Variants in HDGFL3 observed in about 807,000 individuals in gnomAD.
HDGFL3 encodes hepatoma-derived growth factor-related protein 3.
Under a neutral mutation model 27.6 loss-of-function variants are expected in HDGFL3, and 6 were observed. The ratio of observed to expected loss-of-function variants is 0.22; its 90% confidence interval spans 0.12 to 0.43. The LOEUF is 0.43. Ranked by LOEUF, HDGFL3 falls within the 20% of genes least tolerant of loss-of-function variation. The probability of loss-of-function intolerance (pLI) is 1.00; values close to 1 mark genes in which losing one functional copy is unlikely to be tolerated. For missense variants in HDGFL3, 207 were observed against 250.1 expected, an observed-to-expected ratio of 0.83 and a Z score of 1.16; for synonymous variants, 88 against 88.9, an observed-to-expected ratio of 0.99 and a Z score of 0.05.
At chr15:83,189,115 C>T (rs949204597) in intron 1 of HDGFL3, among the ~76,000 whole-genome samples, 1 of 152,130 alleles carries the variant, frequency 6.6e-6, no homozygotes, top group African/African-American at 2.4e-5. Context: ...TACTCTACCC[C>T]ATCCCTATCT....
At chr15:83,184,856 G>A (rs900866081) in intron 1 of HDGFL3, 7 of 152,198 alleles carry the variant, frequency 4.6e-5, no homozygotes, top group African/African-American at 1.7e-4. Flanking sequence ...CCATTAAGAG[G>A]TGGGTAACCA....
chr15:83,199,908 T>C (rs924070628), intron 1 of HDGFL3, among the ~76,000 whole-genome samples: 5 of 151,416 alleles, frequency 3.3e-5, no homozygotes, highest in African/African-American at 9.7e-5. Context: ...TAGCCGGGCA[T>C]GGTGGTGGGC....
At chr15:83,200,087 T>TAATCCCA (rs1012144816) in intron 1 of HDGFL3, among the ~76,000 whole-genome samples, 2 of 146,400 alleles carry the variant, frequency 1.4e-5, no homozygotes, top group African/African-American at 5.1e-5. Context: ...CTTACACCTG[T>TAATCCCA]AATCCCAGCA....
At position 83,173,390 on chromosome 15, in the gene HDGFL3, A is replaced by G. The variant is rs570171851; in HGVS notation, c.85-9315T>C. Among the ~76,000 whole-genome samples, 466 of 152,342 alleles carry G rather than the reference A, an allele frequency of 3.1e-3. 5 individuals are homozygous for G. Among genetic ancestry groups the G allele is most frequent in the Admixed American group, 4.8e-3 (74 of 15,304 alleles). On this transcript the variant is annotated intron_variant, in intron 1 of 5. Transcript: ENST00000299633. ...GTTCTCAGCACATTTAAGGCAGGCT[A>G]GGCTAAGCTATGAAGTTTGGTAGCT...
At chr15:83,117,796 G>C (rs978533011) in intron 3 of HDGFL3, among the ~76,000 whole-genome samples, 2 of 152,138 alleles carry the variant, frequency 1.3e-5, no homozygotes, top group African/African-American at 4.8e-5. Flanking sequence ...AACATGCCAA[G>C]AGCCAGGCCT....
chr15:83,143,616 C>G (rs2036828161), intron 5 of HDGFL3, among the ~76,000 whole-genome samples: 1 of 152,094 alleles, frequency 6.6e-6, no homozygotes, highest in Admixed American at 6.5e-5. Flanking sequence ...TAAGGAGGTC[C>G]TGAGACCAAG....
intron 1 of HDGFL3, among the ~76,000 whole-genome samples, chr15:83,188,361 G>A (rs183171298): frequency 3.4e-4 from 52 of 152,086 alleles, no homozygotes; most frequent in East Asian, 9.7e-4. Context: ...AGCAATTCTC[G>A]CGCCTCAGCC....
At chr15:83,117,009 G>C (rs1306531003) in intron 3 of HDGFL3, among the ~76,000 whole-genome samples, 5 of 152,190 alleles carry the variant, frequency 3.3e-5, no homozygotes, top group African/African-American at 1.2e-4. Flanking sequence ...TGGGGAGATG[G>C]AATTGTCCCA....
intron 1 of HDGFL3, among the ~76,000 whole-genome samples, chr15:83,198,624 T>C (rs1021221967): frequency 2.0e-5 from 3 of 152,122 alleles, no homozygotes; most frequent in African/African-American, 7.2e-5. Context: ...AGTATAAGCA[T>C]GGTACCAGCA....
chr15:83,156,442 G>A (rs1481620764), intron 4 of HDGFL3, among the ~76,000 whole-genome samples: 1 of 152,164 alleles, frequency 6.6e-6, no homozygotes, highest in Admixed American at 6.5e-5. Context: ...GCTCACCGCT[G>A]TATACCTAGT....
chr15:83,163,590 T>C (rs1273824842), intron 2 of HDGFL3, among the ~76,000 whole-genome samples: 1 of 152,208 alleles, frequency 6.6e-6, no homozygotes, highest in African/African-American at 2.4e-5. Context: ...TATATTTCCT[T>C]GAGGGCCCAA....
rs147247287 is a variant in HDGFL3 at position 83,119,579 on chromosome 15, G to A, written c.394-3838C>T. The A allele has an allele frequency of 6.8e-6, 11 of 1,614,058 alleles. No homozygotes were observed. The African/African-American group carries it at 1.5e-4, about 22-fold the overall frequency. On this transcript the variant is annotated intron_variant, in intron 3 of 3. Coordinates refer to the HDGFL3 transcript ENST00000568294. The stretch of plus-strand genomic sequence containing the variant: ...ACTTCTTTTTAATGCTTTCTTTAGG[G>A]TGAACCGTATCTGAACACCGCATAT...
rs569936903 is a variant in HDGFL3 at position 83,186,354 on chromosome 15, T to G, written c.84+20977A>C. On this transcript the variant is annotated intron_variant, in intron 1 of 5. Coordinates refer to ENST00000299633, the MANE Select transcript of HDGFL3 (RefSeq NM_016073.4). ...TCATGATTCAGATATTCAGTTAGAC[T>G]TATCGCTCAACTGAACACTACTAGC... Among the ~76,000 whole-genome samples the G allele has an allele frequency of 9.8e-5, 15 of 152,328 alleles. No individual in the cohort carries two copies. The South Asian group carries it at 3.1e-3, about 32-fold the overall frequency.
chr15:83,145,744 A>T (rs1166673646), intron 5 of HDGFL3, among the ~76,000 whole-genome samples: 1 of 151,908 alleles, frequency 6.6e-6, no homozygotes, highest in Non-Finnish European at 1.5e-5. Flanking sequence ...TGATTTCAAT[A>T]TCCACATAGA....
chr15:83,198,203 G>A (rs1173982283), intron 1 of HDGFL3, among the ~76,000 whole-genome samples: 2 of 151,966 alleles, frequency 1.3e-5, no homozygotes, highest in Non-Finnish European at 2.9e-5. Flanking sequence ...ATAGTTCAAT[G>A]ACCTAATACA....
intron 5 of HDGFL3, among the ~76,000 whole-genome samples, chr15:83,147,720 T>C (rs1468511429): frequency 6.6e-6 from 1 of 152,172 alleles, no homozygotes; most frequent in Non-Finnish European, 1.5e-5. Flanking sequence ...CTGGTTCAAA[T>C]GGTTATGCTT....
Position 83,133,463 on chromosome 15 carries a change from T to C in HDGFL3, c.*5807A>G, listed in dbSNP as rs1237644514. Reference sequence around the variant, plus strand: ...TTCACCTTATTGTCTCATTTGCCATTCCAATCATCCATTCTTAAAAAAAAA... The same window carrying C: ...TTCACCTTATTGTCTCATTTGCCATCCCAATCATCCATTCTTAAAAAAAAA... On this transcript the variant is annotated 3_prime_UTR_variant, in exon 6 of 6. Transcript: ENST00000299633. The C allele has an allele frequency of 1.3e-5, 2 of 152,196 alleles. No individual in the cohort carries two copies. The highest frequency in any genetic ancestry group is 6.5e-5 in the Admixed American group (1 of 15,276). 9.4% of individuals were successfully genotyped at this position (152,196 alleles called of 1,614,324 possible). A position where few individuals can be genotyped will look rare whatever the true frequency, so the allele number is the denominator to read the frequency against.
Position 83,139,282 on chromosome 15 carries a change from A to C in HDGFL3, c.607-7T>G, listed in dbSNP as rs761686367. 3.8e-6 allele frequency: 5 copies of C among 1,332,902 alleles called. No homozygotes were observed. In the South Asian group the frequency reaches 7.9e-5, roughly 21 times the overall value. The allele number at this position is 1,332,902 out of a possible 1,614,324, so 82.6% of individuals were successfully genotyped here. On this transcript the variant is annotated splice_region_variant and splice_polypyrimidine_tract_variant and intron_variant, in intron 5 of 5. Transcript: ENST00000299633. ...TTCATTATGGTAGTTAGGTCTGTAA[A>C]AAAAAAAAAAAGAAAGAAAACAAGC...
At chr15:83,151,480 C>T (rs1004882217) in intron 4 of HDGFL3, 119 bp from the exon 5 acceptor site, 2 of 781,368 alleles carry the variant, frequency 2.6e-6, no homozygotes. Flanking sequence ...AGAGGATATA[C>T]TGACACAACA....
Sources: gnomAD v4.1 joint callset for allele counts (sites outside exome capture counted in the v4.1 genomes callset) on GRCh38, gnomAD v4.1.1 for gene constraint, MANE v1.5 for transcripts, NCBI Gene and HGNC (gene_info 2026-07-23, HGNC 2026-07-21) for gene names.